The following SYTL2 variants were observed in gnomAD, a reference collection of about 807,000 sequenced individuals.
SYTL2 encodes synaptotagmin-like protein 2.
In SYTL2, 165 loss-of-function variants were observed where a neutral mutation model predicts 198.7. The observed-to-expected ratio is 0.83, with a 90% confidence interval of 0.73 to 0.94. The LOEUF is 0.94. Ranked by LOEUF, SYTL2 falls within the 40% of genes least tolerant of loss-of-function variation. The pLI, the probability that SYTL2 is intolerant of heterozygous loss-of-function variation, is 0.00. For synonymous variants in SYTL2, 966 were observed against 917.7 expected, an observed-to-expected ratio of 1.05 and a Z score of -0.95; for missense variants, 2,835 against 2,582.8, an observed-to-expected ratio of 1.10 and a Z score of -2.12.
Position 85,725,375 on chromosome 11 carries a change from G to A in SYTL2, c.3983C>T (p.Pro1328Leu), listed in dbSNP as rs1450111996. 1 of 1,613,958 alleles carries A rather than the reference G, an allele frequency of 6.2e-7. No individual in the cohort carries two copies. Among genetic ancestry groups the A allele is most frequent in the Admixed American group, 1.7e-5 (1 of 60,020 alleles). The change falls in exon 8 of 20, where the codon CCC becomes CTC. Residue 1328 changes from proline to leucine, a missense_variant. Pro to Leu is a moderately conservative substitution (Grantham distance 98, BLOSUM62 -3). Around this residue, in one of 3 missense-constraint regions of SYTL2, gnomAD observed 2,645 missense variants for 2,381.7 expected, o/e 1.11. Transcript: ENST00000359152. Reference sequence around the variant, plus strand: ...ATCCTGGGGAAAAAGCATATCTTGGGGAGGGCTGGCCACATCCCCAAAAGA... The same window carrying A: ...ATCCTGGGGAAAAAGCATATCTTGGAGAGGGCTGGCCACATCCCCAAAAGA... ...KGSFGDVASP[P>L]QDMLFPQDAH...
rs1169889021 is a variant in SYTL2, at chr11:85,742,137, C to T, written c.389+3500G>A. ...TTACAAACCTCTGCAGCAGCCAAGC[C>T]TCCTTACAAGCCAAGGACAGGGCAT... On this transcript the variant is annotated intron_variant, in intron 4 of 19. Transcript: ENST00000359152. Among the ~76,000 whole-genome samples, 3 of 152,120 alleles carry T rather than the reference C, an allele frequency of 2.0e-5. No homozygotes were observed. The East Asian group carries it at 5.8e-4, about 29-fold the overall frequency.
chr11:85,732,516 C>T (rs1030290527), intron 7 of SYTL2, among the ~76,000 whole-genome samples: 5 of 152,032 alleles, frequency 3.3e-5, no homozygotes, highest in African/African-American at 1.2e-4. Context: ...ACCGCATGTT[C>T]TCACCCATAA....
At chr11:85,786,164 G>T (rs1374685954) in intron 1 of SYTL2, among the ~76,000 whole-genome samples, 1 of 152,148 alleles carries the variant, frequency 6.6e-6, no homozygotes, top group Non-Finnish European at 1.5e-5. Flanking sequence ...GGCCACTACT[G>T]CATGGTTCTG....
the SYTL2 span, among the ~76,000 whole-genome samples, chr11:85,847,006 T>C: frequency 6.6e-6 from 1 of 152,282 alleles, no homozygotes; most frequent in South Asian, 2.1e-4. Flanking sequence ...AGCGCTGAGA[T>C]TACAGGCATG....
intron 16 of SYTL2, among the ~76,000 whole-genome samples, chr11:85,701,388 C>T (rs540117283): frequency 1.3e-5 from 2 of 152,070 alleles, no homozygotes; most frequent in Admixed American, 6.6e-5. Flanking sequence ...TTTCCACTTA[C>T]GGCATCATAT....
At chr11:85,758,565 T>C (rs1445316612) in intron 1 of SYTL2, among the ~76,000 whole-genome samples, 1 of 152,204 alleles carries the variant, frequency 6.6e-6, no homozygotes, top group Non-Finnish European at 1.5e-5. Context: ...GGAGAACTAG[T>C]ATTAGATAGA....
the SYTL2 span, among the ~76,000 whole-genome samples, chr11:85,818,637 T>C: frequency 1.4e-5 from 2 of 142,566 alleles, no homozygotes; most frequent in Non-Finnish European, 3.1e-5. Context: ...GTAAATAAGA[T>C]CATGGTAATG....
At chr11:85,798,394 C>T (rs974188352) in intron 1 of SYTL2, among the ~76,000 whole-genome samples, 19 of 152,116 alleles carry the variant, frequency 1.2e-4, no homozygotes, top group Admixed American at 1.2e-3. Context: ...AGAAATGGGC[C>T]CTTCTCTTAT....
intron 1 of SYTL2, among the ~76,000 whole-genome samples, chr11:85,794,915 A>T (rs956810707): frequency 5.9e-5 from 9 of 151,906 alleles, no homozygotes; most frequent in Admixed American, 3.3e-4. Flanking sequence ...CAATAAAGAG[A>T]TGGTCTTTCA....
intron 1 of SYTL2, among the ~76,000 whole-genome samples, chr11:85,804,495 T>C (rs1465474033): frequency 1.3e-5 from 2 of 152,204 alleles, no homozygotes; most frequent in African/African-American, 2.4e-5. Flanking sequence ...TTAAATTATA[T>C]GGGCCTCAAT....
At chr11:85,786,994 C>T (rs1204284269) in intron 1 of SYTL2, among the ~76,000 whole-genome samples, 1 of 152,158 alleles carries the variant, frequency 6.6e-6, no homozygotes, top group Non-Finnish European at 1.5e-5. Flanking sequence ...TGAACTTTCT[C>T]ATCATAGTAG....
chr11:85,745,021 T>G (rs1453900486), intron 4 of SYTL2, among the ~76,000 whole-genome samples: 1 of 152,190 alleles, frequency 6.6e-6, no homozygotes, highest in African/African-American at 2.4e-5. Context: ...GAAGATAATC[T>G]ATATCCTTAA....
chr11:85,717,044 C>T (rs1358943281), intron 11 of SYTL2: 1 of 153,376 alleles, frequency 6.5e-6, no homozygotes, highest in African/African-American at 2.4e-5. Flanking sequence ...GAAGCACATA[C>T]TCTAACAGTT....
rs1303826116 is a variant in SYTL2, at chr11:85,724,278, C to T, written c.5080G>A (p.Gly1694Arg). 2 of 1,561,814 alleles carry T rather than the reference C, an allele frequency of 1.3e-6. No individual in the cohort carries two copies. Among genetic ancestry groups the T allele is most frequent in the Non-Finnish European group, 1.7e-6 (2 of 1,159,812 alleles). The change falls in exon 8 of 20, where the codon GGA becomes AGA. Residue 1694 changes from glycine to arginine, a missense_variant. Physicochemically the swap from Gly to Arg is moderately radical, Grantham distance 125. Coordinates refer to ENST00000359152, the MANE Select transcript of SYTL2 (RefSeq NM_206927.4). ...CCAGGTTCCTGAAGAGTCCCTTGTCCCCCTGCAACCCCACTTTCACTGTCC... is the reference window on the plus strand; with the variant it reads ...CCAGGTTCCTGAAGAGTCCCTTGTCTCCCTGCAACCCCACTTTCACTGTCC... Reference protein sequence around the residue: ...DRDSESGVAGGQGTLQEPGFG... With the variant: ...DRDSESGVAGRQGTLQEPGFG...
chr11:85,717,281 T>G, intron 11 of SYTL2: 3 of 426,554 alleles, frequency 7.0e-6, no homozygotes, highest in Non-Finnish European at 8.4e-6. Flanking sequence ...TCTCCCTCAG[T>G]GGAACCACAA....
rs2083159232 is a variant in SYTL2, at chr11:85,694,456, AC to A, written c.*738del. The stretch of plus-strand genomic sequence containing the variant: ...TTCATATAGTAAAGTTATAAGAAAA[AC>A]AATCATATATATGCAGGGTTTTAAA... On this transcript the variant is annotated 3_prime_UTR_variant, in exon 20 of 20. Coordinates refer to ENST00000359152, the MANE Select transcript of SYTL2 (RefSeq NM_206927.4). The A allele has an allele frequency of 6.6e-6, 1 of 152,240 alleles. No homozygotes were observed. Among genetic ancestry groups the A allele is most frequent in the Admixed American group, 6.5e-5 (1 of 15,288 alleles). 9.4% of individuals were successfully genotyped at this position (152,240 alleles called of 1,614,324 possible).
Position 85,724,356 on chromosome 11 carries a change from A to G in SYTL2, c.5002T>C (p.Tyr1668His). 6.3e-7 allele frequency: 1 copy of G among 1,586,744 alleles called. No homozygotes were observed. The highest frequency in any genetic ancestry group is 8.6e-7 in the Non-Finnish European group (1 of 1,169,248). Residue 1668 changes from tyrosine (Y) to histidine (H), a missense_variant, in exon 8 of 20, where the codon TAT (tyrosine) becomes CAT (histidine). Coordinates refer to ENST00000359152, the MANE Select transcript of SYTL2 (RefSeq NM_206927.4). ...GVEIPRTPQL[Y>H]VAHEIGTIKT... ...ATGGTCCCTATTTCATGAGCCACAT[A>G]AAGTTGTGGGGTTCTAGGGATCTCA...
intron 1 of SYTL2, among the ~76,000 whole-genome samples, chr11:85,776,318 A>T (rs1415468019): frequency 6.6e-6 from 1 of 152,208 alleles, no homozygotes; most frequent in Non-Finnish European, 1.5e-5. Flanking sequence ...TTTGTTACAT[A>T]GGTATACACA....
chr11:85,780,000 AG>A (rs2092530183), intron 1 of SYTL2, among the ~76,000 whole-genome samples: 1 of 152,214 alleles, frequency 6.6e-6, no homozygotes, highest in Admixed American at 6.5e-5. Flanking sequence ...TCATCTGCAA[AG>A]TGAGGGAACT....
Sources: gnomAD v4.1 joint callset for allele counts (sites outside exome capture counted in the v4.1 genomes callset) on GRCh38, gnomAD v4.1.1 for gene constraint, gnomAD v4.1.1 regional missense constraint, MANE v1.5 for transcripts, NCBI Gene and HGNC (gene_info 2026-07-23, HGNC 2026-07-21) for gene names.